Variants in KATNAL2 observed in about 807,000 individuals in gnomAD.
KATNAL2 encodes the protein katanin p60 ATPase-containing subunit A-like 2.
Under a neutral mutation model 76.3 loss-of-function variants are expected in KATNAL2, and 52 were observed. The observed-to-expected ratio is 0.68, with a 90% CI of 0.55 to 0.86. The LOEUF (loss-of-function observed/expected upper bound fraction) is 0.86. Among genes scored for constraint, KATNAL2 ranks in the 40% least tolerant of loss-of-function variants. The probability of loss-of-function intolerance (pLI) is 0.00; values close to 1 mark genes in which losing one functional copy is unlikely to be tolerated. For synonymous variants in KATNAL2, 243 were observed against 244.2 expected (o/e 1.00, Z 0.05); for missense variants, 660 against 668.9 (o/e 0.99, Z 0.15).
chr18:47,083,229 T>A (rs1344591666), intron 15 of KATNAL2, among the ~76,000 whole-genome samples: 1 of 152,210 alleles, frequency 6.6e-6, no homozygotes, highest in East Asian at 1.9e-4. Flanking sequence ...TGTCCTTCTA[T>A]GAGAAAATAG....
intron 3 of KATNAL2, among the ~76,000 whole-genome samples, chr18:46,961,006 G>A (rs4890343): frequency 0.45 from 67,711 of 152,062 alleles, 15,156 homozygotes; most frequent in Middle Eastern, 0.53. Flanking sequence ...CCACGTTAAA[G>A]GGTCATGATA....
chr18:47,100,802 T>A (rs2063424089), intron 17 of KATNAL2, 64 bp from the exon 18 acceptor site: 1 of 1,588,372 alleles, frequency 6.3e-7, no homozygotes, highest in East Asian at 2.2e-5. Context: ...TCTATTAGCG[T>A]TTCAAGAGCA....
At chr18:46,939,880 A>G (rs2059198227) in intron 1 of KATNAL2, among the ~76,000 whole-genome samples, 1 of 152,208 alleles carries the variant, frequency 6.6e-6, no homozygotes, top group Admixed American at 6.5e-5. Context: ...TTACCCTGCT[A>G]TCCTTCCAGT....
rs201912209 is a variant in KATNAL2, at chr18:47,063,287, C to A, written c.652C>A (p.Arg218=). 1.4e-5 allele frequency: 23 copies of A among 1,613,106 alleles called. No individual in the cohort carries two copies. The highest frequency in any genetic ancestry group is 5.3e-5 in the African/African-American group (4 of 74,836). Residue 218 remains arginine (R), a synonymous_variant, in exon 10 of 18, where the codon CGA becomes AGA. Transcript: ENST00000683218. ...GCCTTTCCGCTCCTCTCATCAGGAA[C>A]GACTGCTGAAACCTCTGAGTGCATT... ...TFDHNPDPSE[R]LLKPLSAFIG...
chr18:46,921,142 T>C (rs1325292361), intron 1 of KATNAL2, among the ~76,000 whole-genome samples: 3 of 152,184 alleles, frequency 2.0e-5, no homozygotes, highest in African/African-American at 4.8e-5. Context: ...TGTTTTTGCT[T>C]TTTGGGACGG....
intron 3 of KATNAL2, among the ~76,000 whole-genome samples, chr18:46,961,101 T>C (rs756905637): frequency 2.0e-5 from 3 of 152,266 alleles, no homozygotes; most frequent in Admixed American, 6.5e-5. Context: ...CCTCATACAA[T>C]GTCTGGAATT....
At chr18:47,055,951 G>C (rs1791387652) in intron 6 of KATNAL2, among the ~76,000 whole-genome samples, 1 of 152,182 alleles carries the variant, frequency 6.6e-6, no homozygotes. Context: ...GAATAACTAG[G>C]AAAGTAATGA....
intron 1 of KATNAL2, among the ~76,000 whole-genome samples, chr18:46,919,314 C>G (rs1179432147): frequency 1.3e-5 from 2 of 151,930 alleles, no homozygotes; most frequent in Non-Finnish European, 2.9e-5. Flanking sequence ...TGGAGAAACC[C>G]CGTCTCCACC....
chr18:47,036,085 T>C (rs988112864), intron 3 of KATNAL2, among the ~76,000 whole-genome samples: 2 of 152,230 alleles, frequency 1.3e-5, no homozygotes, highest in African/African-American at 4.8e-5. Context: ...GGAATTTAAC[T>C]ATTTCCAAGA....
At chr18:47,052,766 G>A in intron 4 of KATNAL2, 114 bp from the exon 5 acceptor site, 1 of 715,276 alleles carries the variant, frequency 1.4e-6, no homozygotes, top group Non-Finnish European at 2.2e-6. Context: ...TTCATCTAAT[G>A]TGCTATATAT....
chr18:47,075,340 G>C lies in KATNAL2; in HGVS notation c.1072G>C (p.Val358Leu), dbSNP rs2062164334. The change falls in exon 14 of 18, where the codon GTG (valine) becomes CTG (leucine). Residue 358 changes from valine to leucine, a missense_variant. By Grantham distance (32) the Val-to-Leu change is conservative. Coordinates refer to ENST00000683218, the MANE Select transcript of KATNAL2 (RefSeq NM_001387690.1). ...STIFLDELES[V>L]MSQRGTASGG... ...GATCTTCCTGGACGAGCTGGAGTCG[G>C]TGATGAGTCAGAGAGGCACAGCTTC... The C allele has an allele frequency of 6.4e-7, 1 of 1,554,344 alleles. No homozygotes were observed. Among genetic ancestry groups the C allele is most frequent in the African/African-American group, 1.4e-5 (1 of 71,096 alleles).
At chr18:47,070,081 T>C (rs929364277) in intron 13 of KATNAL2, among the ~76,000 whole-genome samples, 1 of 148,514 alleles carries the variant, frequency 6.7e-6, no homozygotes, top group African/African-American at 2.4e-5. Context: ...CCATAGCCTG[T>C]AAGATTTTTT....
chr18:46,959,932 A>G (rs1459763756), intron 3 of KATNAL2, among the ~76,000 whole-genome samples: 1 of 152,176 alleles, frequency 6.6e-6, no homozygotes, highest in African/African-American at 2.4e-5. Flanking sequence ...CATCCTATAA[A>G]CATTTTAAAA....
At chr18:47,034,463 A>G (rs898936241) in intron 3 of KATNAL2, 10 of 1,614,170 alleles carry the variant, frequency 6.2e-6, no homozygotes, top group Non-Finnish European at 8.5e-6. Context: ...GCACTTGCCC[A>G]GGAGGGCATC....
At chr18:46,930,571 T>C (rs1211646938) in intron 1 of KATNAL2, among the ~76,000 whole-genome samples, 4 of 152,140 alleles carry the variant, frequency 2.6e-5, no homozygotes, top group African/African-American at 9.7e-5. Flanking sequence ...ATCCCAGCAC[T>C]ATGGGAGGCC....
At chr18:46,956,716 T>C (rs777470771) in intron 3 of KATNAL2, among the ~76,000 whole-genome samples, 10 of 152,188 alleles carry the variant, frequency 6.6e-5, no homozygotes, top group Non-Finnish European at 1.3e-4. Context: ...CAGTCTTTAG[T>C]GTGCACATTA....
chr18:47,056,945 G>A (rs1025310467), intron 6 of KATNAL2, among the ~76,000 whole-genome samples: 3 of 151,770 alleles, frequency 2.0e-5, no homozygotes, highest in Admixed American at 1.3e-4. Flanking sequence ...TTATTTTTGT[G>A]CCAGCAAAAG....
At chr18:46,953,899 A>G (rs955358425) in intron 3 of KATNAL2, among the ~76,000 whole-genome samples, 1 of 152,152 alleles carries the variant, frequency 6.6e-6, no homozygotes, top group Non-Finnish European at 1.5e-5. Context: ...GCCAAATGTC[A>G]GTTATGTGTA....
chr18:47,087,575 C>T (rs2062827638), intron 15 of KATNAL2, among the ~76,000 whole-genome samples: 1 of 152,032 alleles, frequency 6.6e-6, no homozygotes, highest in Non-Finnish European at 1.5e-5. Flanking sequence ...GGGAGAGGAG[C>T]AGAGAAAAAT....
Sources: gnomAD v4.1 joint callset for allele counts (sites outside exome capture counted in the v4.1 genomes callset) on GRCh38, gnomAD v4.1.1 for gene constraint, MANE v1.5 for transcripts, NCBI Gene and HGNC (gene_info 2026-07-23, HGNC 2026-07-21) for gene names.